EHD4: variants seen among roughly 807,000 people sequenced by gnomAD.
EHD4 encodes the protein EH domain-containing protein 4.
EHD4 carries 37 observed loss-of-function variants against 51.0 expected under a neutral mutation model. The ratio of observed to expected loss-of-function variants is 0.73; its 90% CI spans 0.56 to 0.95. The LOEUF (loss-of-function observed/expected upper bound fraction) is 0.95. Ranked by LOEUF, EHD4 falls within the 40% of genes least tolerant of loss-of-function variation. The pLI, the probability that EHD4 is intolerant of heterozygous loss-of-function variation, is 0.00. For missense variants in EHD4, 632 were observed against 733.1 expected (o/e 0.86, Z 1.59); for synonymous variants, 297 against 317.3 (o/e 0.94, Z 0.68).
intron 1 of EHD4, among the ~76,000 whole-genome samples, chr15:41,969,475 G>A (rs530939531): frequency 5.9e-5 from 9 of 152,214 alleles, no homozygotes; most frequent in South Asian, 2.1e-4. Flanking sequence ...GAACCCGGGA[G>A]GGGGAGGTTG....
At chr15:41,922,685 G>T (rs1330368752) in intron 3 of EHD4, among the ~76,000 whole-genome samples, 1 of 152,122 alleles carries the variant, frequency 6.6e-6, no homozygotes, top group African/African-American at 2.4e-5. Flanking sequence ...GTTAATTTAA[G>T]CATCTTTAAA....
rs540343315 is a variant in EHD4 at position 41,919,672 on chromosome 15, G to A, written c.512-50C>T. 83 of 1,468,826 alleles carry A rather than the reference G, an allele frequency of 5.7e-5. No individual in the cohort carries two copies. In the African/African-American group the frequency reaches 6.7e-4, roughly 12 times the overall value. 91.0% of individuals were successfully genotyped at this position (1,468,826 alleles called of 1,614,324 possible). ...GTGTAGCCACTGCTGCAGGAGACACGTTTAATGGGCGGCTCAGGAACAGTC... is the reference window on the plus strand; with the variant it reads ...GTGTAGCCACTGCTGCAGGAGACACATTTAATGGGCGGCTCAGGAACAGTC... On this transcript the variant is annotated intron_variant, in intron 3 of 5. Transcript: ENST00000220325.
chr15:41,925,754 C>G (rs2067656454), intron 3 of EHD4, among the ~76,000 whole-genome samples: 1 of 152,104 alleles, frequency 6.6e-6, no homozygotes, highest in African/African-American at 2.4e-5. Context: ...GCGGAAGATC[C>G]CAGATTGGCA....
intron 3 of EHD4, chr15:41,928,570 T>C (rs559950878): frequency 1.3e-5 from 2 of 152,376 alleles, no homozygotes; most frequent in African/African-American, 4.8e-5. Context: ...AATGAATATA[T>C]ATTATTTTTA....
rs112843694 is a variant in EHD4 at position 41,934,458 on chromosome 15, G to A, written c.511+8609C>T. On this transcript the variant is annotated intron_variant, in intron 3 of 5. Transcript: ENST00000220325. ...GCCTCCCAAGGAGATAGGACTACGA[G>A]AACACACCACCACACCCAACTAATT... Among the ~76,000 whole-genome samples, 1,048 of 152,010 alleles carry A rather than the reference G, an allele frequency of 6.9e-3. 13 individuals are homozygous for A. The highest frequency in any genetic ancestry group is 0.024 in the African/African-American group (991 of 41,422).
chr15:41,925,455 G>C (rs2067654966), intron 3 of EHD4, among the ~76,000 whole-genome samples: 1 of 152,224 alleles, frequency 6.6e-6, no homozygotes, highest in African/African-American at 2.4e-5. Context: ...AACGTGGCCT[G>C]GGGCATGGAA....
chr15:41,910,560 A>G (rs1023160506), intron 4 of EHD4, among the ~76,000 whole-genome samples: 12 of 151,048 alleles, frequency 7.9e-5, no homozygotes, highest in Admixed American at 7.9e-4. Context: ...GTTCACTACA[A>G]AAGTTCTCTT....
intron 3 of EHD4, chr15:41,928,773 C>G (rs1396478469): frequency 3.3e-5 from 5 of 152,198 alleles, no homozygotes; most frequent in Non-Finnish European, 5.9e-5. Flanking sequence ...ACTACACCCC[C>G]GAGGAAGAGG....
At chr15:41,952,545 G>T (rs1566826122) in intron 2 of EHD4, among the ~76,000 whole-genome samples, 1 of 152,214 alleles carries the variant, frequency 6.6e-6, no homozygotes, top group Non-Finnish European at 1.5e-5. Context: ...CAGAGTTGTA[G>T]CCAGGGGTAC....
At chr15:41,903,830 C>T (rs1164570099) in intron 5 of EHD4, among the ~76,000 whole-genome samples, 1 of 152,110 alleles carries the variant, frequency 6.6e-6, no homozygotes, top group African/African-American at 2.4e-5. Flanking sequence ...GAAGTAAAGT[C>T]AGCAGCCATC....
intron 1 of EHD4, 67 bp from the exon 2 acceptor site, chr15:41,954,007 T>G: frequency 6.5e-7 from 1 of 1,537,314 alleles, no homozygotes; most frequent in Non-Finnish European, 8.8e-7. Context: ...GAAAGCTGCC[T>G]GGGATTACCA....
chr15:41,941,142 G>A (rs1177985808), intron 3 of EHD4, among the ~76,000 whole-genome samples: 1 of 152,080 alleles, frequency 6.6e-6, no homozygotes, highest in Non-Finnish European at 1.5e-5. Flanking sequence ...TGGCACTGAG[G>A]TGTAAAGACA....
intron 5 of EHD4, among the ~76,000 whole-genome samples, chr15:41,903,303 G>C (rs2067489878): frequency 7.7e-6 from 1 of 130,666 alleles, no homozygotes; most frequent in African/African-American, 2.8e-5. Flanking sequence ...AAAACTTGGT[G>C]TTATCATAAA....
At chr15:41,908,229 T>C (rs2067525390) in intron 5 of EHD4, 1 of 152,184 alleles carries the variant, frequency 6.6e-6, no homozygotes, top group Admixed American at 6.5e-5. Flanking sequence ...TATATTAGAC[T>C]GATTCACTCT....
intron 3 of EHD4, among the ~76,000 whole-genome samples, chr15:41,937,273 G>A (rs1024816168): frequency 2.0e-5 from 3 of 152,248 alleles, no homozygotes; most frequent in Non-Finnish European, 4.4e-5. Context: ...GTTCCTCCAA[G>A]GGCCCTGAGC....
intron 3 of EHD4, among the ~76,000 whole-genome samples, chr15:41,926,866 T>C (rs1266555464): frequency 1.3e-5 from 2 of 152,308 alleles, no homozygotes; most frequent in South Asian, 2.1e-4. Context: ...TGCCCTTTCC[T>C]CTTCTCCAAC....
intron 5 of EHD4, among the ~76,000 whole-genome samples, chr15:41,905,167 C>T (rs1450872188): frequency 3.3e-5 from 5 of 152,234 alleles, no homozygotes; most frequent in Admixed American, 1.3e-4. Flanking sequence ...AACCCACACA[C>T]GCGCCCCTCA....
At position 41,936,236 on chromosome 15, in the gene EHD4, G is replaced by A. The variant is rs1433581314; in HGVS notation, c.511+6831C>T. On this transcript the variant is annotated intron_variant, in intron 3 of 5. Coordinates refer to ENST00000220325, the MANE Select transcript of EHD4 (RefSeq NM_139265.4). ...ACTCCCAAGGCACGAATGCTGGGAGGCACAGGTCTTGGCGTGGTGGTGGGA... is the reference window on the plus strand; with the variant it reads ...ACTCCCAAGGCACGAATGCTGGGAGACACAGGTCTTGGCGTGGTGGTGGGA... 5.3e-5 allele frequency among the ~76,000 whole-genome samples: 8 copies of A among 152,292 alleles called. No individual in the cohort carries two copies. The East Asian group carries it at 1.3e-3, about 26-fold the overall frequency.
At chr15:41,902,957 TC>T (rs1401133952) in intron 5 of EHD4, among the ~76,000 whole-genome samples, 1 of 151,322 alleles carries the variant, frequency 6.6e-6, no homozygotes, top group Non-Finnish European at 1.5e-5. Context: ...CTGGGGACCC[TC>T]ACTGTCTAAG....
Sources: allele counts gnomAD v4.1 joint callset (sites outside exome capture counted in the v4.1 genomes callset), GRCh38; gene constraint gnomAD v4.1.1; transcripts MANE v1.5; gene names NCBI Gene and HGNC (gene_info 2026-07-23, HGNC 2026-07-21).